Variants in SNTG1 observed in about 807,000 individuals in gnomAD.
SNTG1 encodes gamma-1-syntrophin.
A neutral mutation model predicts 74.7 loss-of-function variants in SNTG1; 39 were observed. The observed-to-expected ratio is 0.52, with a 90% CI of 0.40 to 0.68. The LOEUF (loss-of-function observed/expected upper bound fraction) is 0.68, where lower values mean the gene tolerates loss of function less well. Among genes scored for constraint, SNTG1 ranks in the 30% least tolerant of loss-of-function variants. SNTG1 has a pLI of 0.00. For missense variants in SNTG1, 685 were observed against 609.5 expected (o/e 1.12, Z -1.30); for synonymous variants, 254 against 217.1 (o/e 1.17, Z -1.49).
chr8:50,047,279 CAGTGAG>C (rs1819173800), intron 1 of SNTG1, among the ~76,000 whole-genome samples: 2 of 151,792 alleles, frequency 1.3e-5, no homozygotes, highest in South Asian at 4.1e-4. Flanking sequence ...GTCAATGCTG[CAGTGAG>C]CCATGATGGT....
chr8:50,380,107 G>T (rs2092456281), intron 2 of SNTG1, among the ~76,000 whole-genome samples: 2 of 152,224 alleles, frequency 1.3e-5, no homozygotes, highest in African/African-American at 2.4e-5. Context: ...TGCTCTCTGA[G>T]TTATGCCACT....
rs2095154588 is a variant in SNTG1, at chr8:50,652,634, T to A, written c.850-4275T>A. 2.0e-5 allele frequency among the ~76,000 whole-genome samples: 3 copies of A among 151,968 alleles called. No homozygotes were observed. In the South Asian group the frequency reaches 6.2e-4, roughly 32 times the overall value. On this transcript the variant is annotated intron_variant, in intron 13 of 18. Coordinates refer to ENST00000642720, the MANE Select transcript of SNTG1 (RefSeq NM_018967.5). ...CAACATGGTGAAAACCCGCCTCTAG[T>A]AAAAATATAAAAATTAGCCGGGGTT...
At chr8:50,092,438 A>G (rs947652856) in intron 1 of SNTG1, among the ~76,000 whole-genome samples, 1 of 152,092 alleles carries the variant, frequency 6.6e-6, no homozygotes, top group Non-Finnish European at 1.5e-5. Flanking sequence ...CACATTTCCC[A>G]TGGGCCACAC....
rs2083092575 is a variant in SNTG1 at position 50,178,711 on chromosome 8, AT to A, written c.-28+6081del. On this transcript the variant is annotated intron_variant, in intron 2 of 18. Coordinates refer to ENST00000642720, the MANE Select transcript of SNTG1 (RefSeq NM_018967.5). Reference sequence around the variant, plus strand: ...CCTTCTTATGCATGTTCTGTTCATTATTTTTGTTCTTTATCATATCGAGATA... The same window carrying A: ...CCTTCTTATGCATGTTCTGTTCATTATTTTGTTCTTTATCATATCGAGATA... Among the ~76,000 whole-genome samples, 4 of 151,910 alleles carry A rather than the reference AT, an allele frequency of 2.6e-5. No individual in the cohort carries two copies. The South Asian group carries it at 8.3e-4, about 32-fold the overall frequency.
chr8:50,176,029 G>T (rs1165235912), intron 2 of SNTG1, among the ~76,000 whole-genome samples: 1 of 152,114 alleles, frequency 6.6e-6, no homozygotes, highest in Non-Finnish European at 1.5e-5. Flanking sequence ...TGCCCTCTCT[G>T]CCTGGCTAGA....
intron 17 of SNTG1, among the ~76,000 whole-genome samples, chr8:50,726,061 T>G (rs2095499299): frequency 6.6e-6 from 1 of 152,194 alleles, no homozygotes; most frequent in South Asian, 2.1e-4. Context: ...TGCCTAGTTG[T>G]GTACAGGTAT....
At chr8:50,626,617 T>G (rs921122724) in intron 13 of SNTG1, among the ~76,000 whole-genome samples, 1 of 152,244 alleles carries the variant, frequency 6.6e-6, no homozygotes, top group Admixed American at 6.5e-5. Flanking sequence ...AGGGATTGCC[T>G]CTGGCTAGTT....
chr8:50,313,639 T>A (rs2090203189), intron 2 of SNTG1, among the ~76,000 whole-genome samples: 1 of 149,998 alleles, frequency 6.7e-6, no homozygotes, highest in African/African-American at 2.5e-5. Context: ...GCTATTATAT[T>A]TTCAGTTTAT....
intron 2 of SNTG1, among the ~76,000 whole-genome samples, chr8:50,253,532 A>T (rs967880475): frequency 2.3e-4 from 35 of 152,328 alleles, no homozygotes; most frequent in African/African-American, 7.9e-4. Flanking sequence ...CTGCTCTCCC[A>T]TGTTAATTGT....
chr8:50,181,442 C>T (rs925268000), intron 2 of SNTG1, among the ~76,000 whole-genome samples: 34 of 152,154 alleles, frequency 2.2e-4, no homozygotes, highest in Non-Finnish European at 3.4e-4. Context: ...TTGGTTAGCA[C>T]GTGCATCAGT....
chr8:50,099,707 G>C (rs1785345982), intron 1 of SNTG1, among the ~76,000 whole-genome samples: 1 of 152,068 alleles, frequency 6.6e-6, no homozygotes, highest in Non-Finnish European at 1.5e-5. Flanking sequence ...ATGATATCCT[G>C]TGGTTTTGAT....
At chr8:50,070,857 A>G (rs1267146287) in intron 1 of SNTG1, among the ~76,000 whole-genome samples, 1 of 152,186 alleles carries the variant, frequency 6.6e-6, no homozygotes, top group Non-Finnish European at 1.5e-5. Context: ...GTGTCCAGTT[A>G]GTATTCTCAC....
intron 1 of SNTG1, among the ~76,000 whole-genome samples, chr8:49,935,635 C>A (rs1808015836): frequency 6.6e-6 from 1 of 151,968 alleles, no homozygotes; most frequent in South Asian, 2.1e-4. Context: ...CAGGAGAAAT[C>A]AAACAAAGGT....
chr8:49,928,800 CA>C (rs1563358407), intron 1 of SNTG1, among the ~76,000 whole-genome samples: 1 of 151,414 alleles, frequency 6.6e-6, no homozygotes, highest in Non-Finnish European at 1.5e-5. Context: ...ATATTTTAAA[CA>C]AAAAAGTAAT....
intron 17 of SNTG1, among the ~76,000 whole-genome samples, chr8:50,734,767 GGACATATATATAGATA>G (rs2131633833): frequency 1.0e-5 from 1 of 99,948 alleles, no homozygotes; most frequent in African/African-American, 6.6e-5. Context: ...CTATATATAT[GGACATATATATAGATA>G]TCTATATATA....
intron 8 of SNTG1, among the ~76,000 whole-genome samples, chr8:50,475,485 A>G (rs907739155): frequency 7.2e-5 from 11 of 152,150 alleles, no homozygotes; most frequent in Non-Finnish European, 1.6e-4. Flanking sequence ...ACTTCTGTAG[A>G]TTCCTGAATG....
rs146754280 is a variant in SNTG1 at position 50,385,798 on chromosome 8, C to A, written c.-27-8414C>A. 4.9e-4 allele frequency among the ~76,000 whole-genome samples: 75 copies of A among 152,286 alleles called. 1 individual carries two copies. The East Asian group carries it at 0.011, about 23-fold the overall frequency. On this transcript the variant is annotated intron_variant, in intron 2 of 18. Transcript: ENST00000642720. ...AGGTACCAAGGGATATGTTCATTTG[C>A]TCAAGCAATAAAACCACATCTGCTA...
intron 18 of SNTG1, among the ~76,000 whole-genome samples, chr8:50,777,216 A>G (rs2095643259): frequency 7.2e-6 from 1 of 139,492 alleles, no homozygotes; most frequent in Non-Finnish European, 1.5e-5. Flanking sequence ...AGACATGAAT[A>G]GCATATATAT....
At chr8:50,508,863 T>TCTAC (rs1472786187) in intron 9 of SNTG1, among the ~76,000 whole-genome samples, 12 of 152,232 alleles carry the variant, frequency 7.9e-5, no homozygotes, top group African/African-American at 2.9e-4. Flanking sequence ...TCTCCCCTTC[T>TCTAC]GTAGGCTGCC....
Sources: allele counts gnomAD v4.1 joint callset (sites outside exome capture counted in the v4.1 genomes callset), GRCh38; gene constraint gnomAD v4.1.1; transcripts MANE v1.5; gene names NCBI Gene and HGNC (gene_info 2026-07-23, HGNC 2026-07-21).